GMDS: variants seen among roughly 807,000 people sequenced by gnomAD.
GMDS encodes the protein GDP-mannose 4,6 dehydratase.
A neutral mutation model predicts 49.9 loss-of-function variants in GMDS; 20 were observed. That is an observed-to-expected ratio of 0.40 (90% confidence interval 0.28 to 0.58). The LOEUF (loss-of-function observed/expected upper bound fraction) is 0.58. GMDS is among the 20% of genes least tolerant of loss of function. The pLI is 0.42. For missense variants in GMDS, 362 were observed against 481.4 expected (o/e 0.75, Z 2.32); for synonymous variants, 177 against 178.6 (o/e 0.99, Z 0.07).
At chr6:1,743,585 C>A (rs1375021661) in intron 7 of GMDS, among the ~76,000 whole-genome samples, 1 of 151,782 alleles carries the variant, frequency 6.6e-6, no homozygotes, top group Non-Finnish European at 1.5e-5. Flanking sequence ...GGTTCACTTT[C>A]TCAGTAGGAG....
At chr6:2,059,704 T>G in intron 4 of GMDS, among the ~76,000 whole-genome samples, 1 of 2,262 alleles carries the variant, frequency 4.4e-4, no homozygotes, top group Non-Finnish European at 1.3e-3. Context: ...CGAGACTCCG[T>G]CTCAAAAAAA....
chr6:1,982,482 C>T (rs1161891779), intron 4 of GMDS, among the ~76,000 whole-genome samples: 2 of 152,132 alleles, frequency 1.3e-5, no homozygotes, highest in Non-Finnish European at 2.9e-5. Context: ...ATCTAGAAAA[C>T]CCCATTGTCT....
intron 7 of GMDS, among the ~76,000 whole-genome samples, chr6:1,801,218 G>GGT (rs1190294285): frequency 6.6e-6 from 1 of 152,200 alleles, no homozygotes; most frequent in Non-Finnish European, 1.5e-5. Context: ...AGCTATGCAA[G>GGT]GTGGCCTCTT....
chr6:2,241,977 C>T (rs958464279), intron 1 of GMDS, among the ~76,000 whole-genome samples: 6 of 152,168 alleles, frequency 3.9e-5, no homozygotes, highest in African/African-American at 1.4e-4. Flanking sequence ...TTTGAAACCC[C>T]ACTAGATGAA....
At chr6:1,729,509 T>C (rs1766715084) in intron 8 of GMDS, among the ~76,000 whole-genome samples, 1 of 152,240 alleles carries the variant, frequency 6.6e-6, no homozygotes, top group Non-Finnish European at 1.5e-5. Context: ...CAAAAACCAC[T>C]TTCTAATTTG....
At chr6:2,079,017 GTCTTTTT>G (rs1772509079) in intron 4 of GMDS, among the ~76,000 whole-genome samples, 2 of 23,204 alleles carry the variant, frequency 8.6e-5, no homozygotes, top group African/African-American at 2.5e-4. Flanking sequence ...TAATGACCTT[GTCTTTTT>G]TTTTTTTTTT....
intron 1 of GMDS, among the ~76,000 whole-genome samples, chr6:2,169,990 G>A (rs1777887128): frequency 6.6e-6 from 1 of 152,152 alleles, no homozygotes. Flanking sequence ...GATCACCTGA[G>A]GTCGGGAGTT....
chr6:1,725,304 T>C (rs1766539982), intron 9 of GMDS, among the ~76,000 whole-genome samples: 1 of 152,200 alleles, frequency 6.6e-6, no homozygotes, highest in Non-Finnish European at 1.5e-5. Context: ...TTTATAAGTT[T>C]AGGAAAGGAG....
intron 4 of GMDS, among the ~76,000 whole-genome samples, chr6:2,025,484 C>A: frequency 7.0e-6 from 1 of 143,468 alleles, no homozygotes; most frequent in African/African-American, 2.6e-5. Context: ...TATTTAGAAC[C>A]AATACACATG....
chr6:2,067,271 A>G (rs1771666677), intron 4 of GMDS, among the ~76,000 whole-genome samples: 1 of 152,196 alleles, frequency 6.6e-6, no homozygotes, highest in African/African-American at 2.4e-5. Context: ...AGCAGTATGT[A>G]GAGGGAAATT....
chr6:1,891,069 C>T (rs75655598), intron 7 of GMDS, among the ~76,000 whole-genome samples: 3,080 of 152,232 alleles, frequency 0.02, 109 homozygotes, highest in African/African-American at 0.07. Context: ...AAGCCAACTC[C>T]TGATTTTTAC....
Position 2,010,350 on chromosome 6 carries a change from A to T in GMDS, c.346-49384T>A, listed in dbSNP as rs540141642. 7.5e-5 allele frequency among the ~76,000 whole-genome samples: 11 copies of T among 147,274 alleles called. No homozygotes were observed. In the East Asian group the frequency reaches 2.2e-3, roughly 29 times the overall value. Reference sequence around the variant, plus strand: ...TCAAAAAAAAAAAAAAGAAAGAAAGAAAAAAAAAAACACATAGCACATCAA... The same window carrying T: ...TCAAAAAAAAAAAAAAGAAAGAAAGTAAAAAAAAAACACATAGCACATCAA... On this transcript the variant is annotated intron_variant, in intron 4 of 10. Transcript: ENST00000380815.
intron 7 of GMDS, among the ~76,000 whole-genome samples, chr6:1,858,708 A>G (rs1758048938): frequency 6.6e-6 from 1 of 152,074 alleles, no homozygotes; most frequent in Non-Finnish European, 1.5e-5. Context: ...TCCCAAGATC[A>G]TTCTCTCTGG....
chr6:1,641,804 T>C (rs1196622075), intron 9 of GMDS, among the ~76,000 whole-genome samples: 2 of 152,164 alleles, frequency 1.3e-5, no homozygotes, highest in Admixed American at 1.3e-4. Flanking sequence ...TTTTAAATAT[T>C]GGTCAGCCTC....
chr6:1,716,157 T>A (rs12209250), intron 9 of GMDS, among the ~76,000 whole-genome samples: 25,016 of 152,206 alleles, frequency 0.16, 2,541 homozygotes, highest in East Asian at 0.32. Context: ...TAAAAAAAGA[T>A]TAAAAACATC....
At chr6:2,113,518 T>C (rs905522335) in intron 4 of GMDS, among the ~76,000 whole-genome samples, 3 of 151,858 alleles carry the variant, frequency 2.0e-5, no homozygotes, top group Non-Finnish European at 4.4e-5. Context: ...GCTGCAAACA[T>C]GTACCAAGTT....
At chr6:1,933,749 C>G (rs141347484) in intron 6 of GMDS, among the ~76,000 whole-genome samples, 1 of 152,244 alleles carries the variant, frequency 6.6e-6, no homozygotes, top group East Asian at 1.9e-4. Flanking sequence ...TGTAAGAATT[C>G]TTTATACATT....
chr6:2,182,660 T>C (rs907872176), intron 1 of GMDS, among the ~76,000 whole-genome samples: 33 of 152,154 alleles, frequency 2.2e-4, no homozygotes, highest in African/African-American at 7.2e-4. Context: ...TGTTTACAAA[T>C]TGGTTTACTG....
At chr6:1,868,413 T>A (rs1758548407) in intron 7 of GMDS, among the ~76,000 whole-genome samples, 1 of 152,188 alleles carries the variant, frequency 6.6e-6, no homozygotes, top group Non-Finnish European at 1.5e-5. Context: ...AATACATACA[T>A]GGATGAACCA....
Sources: gnomAD v4.1 joint callset for allele counts (sites outside exome capture counted in the v4.1 genomes callset) on GRCh38, gnomAD v4.1.1 for gene constraint, MANE v1.5 for transcripts, NCBI Gene and HGNC (gene_info 2026-07-23, HGNC 2026-07-21) for gene names.